Variants in CCDC61 observed in about 807,000 individuals in gnomAD.
The protein encoded by CCDC61 is centrosomal protein CCDC61.
CCDC61 carries 55 observed loss-of-function variants against 63.0 expected under a neutral mutation model. That is an observed-to-expected ratio of 0.87 (90% CI 0.70 to 1.09). The LOEUF (loss-of-function observed/expected upper bound fraction) is 1.09. CCDC61 is among the 50% of genes least tolerant of loss of function. The pLI is 0.00. For missense variants in CCDC61, 651 were observed against 731.4 expected (o/e 0.89, Z 1.27); for synonymous variants, 270 against 317.0 (o/e 0.85, Z 1.58).
At chr19:46,017,131 T>C (rs919556862) in intron 11 of CCDC61, 62 bp downstream of exon 11, 1 of 1,562,630 alleles carries the variant, frequency 6.4e-7, no homozygotes. Context: ...CTAGAAACAG[T>C]CTTTTGCAGG....
intron 1 of CCDC61, among the ~76,000 whole-genome samples, chr19:45,995,716 T>C (rs1968479848): frequency 6.6e-6 from 1 of 151,946 alleles, no homozygotes; most frequent in South Asian, 2.1e-4. Flanking sequence ...GATCTGTATA[T>C]CGCAGGAGGG....
At chr19:46,006,829 C>A in intron 4 of CCDC61, 113 bp downstream of exon 4, 2 of 969,924 alleles carry the variant, frequency 2.1e-6, no homozygotes, top group Non-Finnish European at 1.5e-6. Context: ...TTAAGCCTTG[C>A]CTTGGGAATC....
At position 46,018,153 on chromosome 19, in the gene CCDC61, G is replaced by A; in HGVS notation, c.1441+3G>A. 6.2e-7 allele frequency: 1 copy of A among 1,603,554 alleles called. No homozygotes were observed. Among genetic ancestry groups the A allele is most frequent in the South Asian group, 1.1e-5 (1 of 88,822 alleles). ...CGGGGGCTGGGTCCCCATCAAAGGT[G>A]AGCCTGGGACTCCACATCCCCTCTC... On this transcript the variant is annotated splice_donor_region_variant and intron_variant, in intron 13 of 13. Transcript: ENST00000595358. The surrounding 1 kb of genome is among the most constrained non-coding windows in gnomAD (Gnocchi z 4.2).
At position 46,015,423 on chromosome 19, in the gene CCDC61, A is replaced by G; in HGVS notation, c.841A>G (p.Arg281Gly). Reference protein sequence around the residue: ...TLTSELALYKRGRRTPPVQPP... With the variant: ...TLTSELALYKGGRRTPPVQPP... Reference sequence around the variant, plus strand: ...GACCAGCGAGCTGGCATTGTACAAGAGGGGGTGAGAGCGAGGCCTGCCAGG... The same window carrying G: ...GACCAGCGAGCTGGCATTGTACAAGGGGGGGTGAGAGCGAGGCCTGCCAGG... Residue 281 changes from arginine to glycine, a missense_variant, in exon 7 of 14, where the codon AGG becomes GGG. Coordinates refer to ENST00000595358, the MANE Select transcript of CCDC61 (RefSeq NM_001267723.2). This position sits in a 1 kb window ranked among gnomAD's most constrained non-coding sequence, Gnocchi z 5.3. The G allele has an allele frequency of 2.6e-6, 4 of 1,566,016 alleles. No individual in the cohort carries two copies. Among genetic ancestry groups the G allele is most frequent in the Non-Finnish European group, 3.5e-6 (4 of 1,158,550 alleles).
intron 1 of CCDC61, among the ~76,000 whole-genome samples, chr19:46,001,608 G>A (rs183499069): frequency 2.2e-4 from 34 of 152,348 alleles, no homozygotes; most frequent in Middle Eastern, 3.4e-3. Flanking sequence ...AGGGGAAGGG[G>A]GTCCCCGAAT....
At chr19:46,007,600 G>C (rs1039811149) in intron 4 of CCDC61, among the ~76,000 whole-genome samples, 1 of 152,178 alleles carries the variant, frequency 6.6e-6, no homozygotes, top group Non-Finnish European at 1.5e-5. Context: ...AGCCTTTATA[G>C]GGGGAGGGTA....
rs1375482458 is a variant in CCDC61, at chr19:46,002,459, G to A, written c.-11-549G>A. On this transcript the variant is annotated intron_variant, in intron 1 of 13. Transcript: ENST00000595358. The stretch of plus-strand genomic sequence containing the variant: ...TTTTCTTTCTTTTTTTTTTTTAACT[G>A]AGTCAGGGTCTCACTCTGTCACCCA... Among the ~76,000 whole-genome samples, 3 of 131,374 alleles carry A rather than the reference G, an allele frequency of 2.3e-5. No individual in the cohort carries two copies. The South Asian group carries it at 7.0e-4, about 31-fold the overall frequency. The allele number at this position is 131,374 out of a possible 152,430, so 86.2% of individuals were successfully genotyped here. A position where few individuals can be genotyped will look rare whatever the true frequency, so the allele number is the denominator to read the frequency against.
Position 46,016,995 on chromosome 19 carries a change from C to T in CCDC61, c.1236C>T (p.Asp412=), listed in dbSNP as rs769554095. 5 of 1,611,104 alleles carry T rather than the reference C, an allele frequency of 3.1e-6. No homozygotes were observed. In the South Asian group the frequency reaches 5.5e-5, roughly 18 times the overall value. ...ACGCCCTCCGTCTCCCTCTAGTGGACAGTTTCCGCAGCCGCTGCTCGTCTG... is the reference window on the plus strand; with the variant it reads ...ACGCCCTCCGTCTCCCTCTAGTGGATAGTTTCCGCAGCCGCTGCTCGTCTG... The part of the protein sequence containing the change: ...NRSRNRSSSV[D]SFRSRCSSAS... Residue 412 remains aspartate, a synonymous_variant, in exon 11 of 14, where the codon GAC becomes GAT. Coordinates refer to ENST00000595358, the MANE Select transcript of CCDC61 (RefSeq NM_001267723.2). The surrounding 1 kb of genome is among the most constrained non-coding windows in gnomAD (Gnocchi z 7.2).
intron 1 of CCDC61, among the ~76,000 whole-genome samples, chr19:45,996,620 G>A (rs1968497675): frequency 6.6e-6 from 1 of 152,126 alleles, no homozygotes. Flanking sequence ...GGTTGGTCTT[G>A]AACTCGTGAC....
rs757643212 is a variant in CCDC61, at chr19:46,003,045, G to C, written c.27G>C (p.Val9=). The change falls in exon 2 of 14, where the codon GTG becomes GTC. Residue 9 remains valine, a synonymous_variant. Coordinates refer to ENST00000595358, the MANE Select transcript of CCDC61 (RefSeq NM_001267723.2). Reference sequence around the variant, plus strand: ...TGGACCAGCCGGCTGGCCTGCAGGTGGACTACGTCTTCCGGGGTGTGGAGC... The same window carrying C: ...TGGACCAGCCGGCTGGCCTGCAGGTCGACTACGTCTTCCGGGGTGTGGAGC... MDQPAGLQ[V]DYVFRGVEHA... 39 of 1,583,234 alleles carry C rather than the reference G, an allele frequency of 2.5e-5. 1 individual carries two copies. The South Asian group carries it at 2.9e-4, about 12-fold the overall frequency.
intron 3 of CCDC61, among the ~76,000 whole-genome samples, chr19:46,004,866 CAA>C (rs1277682917): frequency 3.4e-5 from 3 of 87,744 alleles, no homozygotes; most frequent in Non-Finnish European, 6.2e-5. Flanking sequence ...TTTTTTGAGA[CAA>C]GAGTTTTGCT....
intron 5 of CCDC61, among the ~76,000 whole-genome samples, chr19:46,011,563 T>A (rs1369624254): frequency 6.6e-6 from 1 of 152,234 alleles, no homozygotes; most frequent in Non-Finnish European, 1.5e-5. Flanking sequence ...CTGTCCCCTG[T>A]ACTTGCAGTG....
intron 3 of CCDC61, among the ~76,000 whole-genome samples, chr19:46,006,120 A>G (rs1374601868): frequency 6.6e-5 from 10 of 152,186 alleles, no homozygotes; most frequent in Admixed American, 6.5e-4. Context: ...AATAACCTCC[A>G]GTACCATTCG....
chr19:46,011,846 AG>A (rs1298400341), intron 5 of CCDC61, among the ~76,000 whole-genome samples: 4 of 152,158 alleles, frequency 2.6e-5, no homozygotes, highest in African/African-American at 9.7e-5. Context: ...ACTGTCACCC[AG>A]GCTGGAGTGC....
At chr19:45,999,043 C>T (rs35989513) in intron 1 of CCDC61, among the ~76,000 whole-genome samples, 19,656 of 152,188 alleles carry the variant, frequency 0.13, 1,581 homozygotes, top group Middle Eastern at 0.25. Flanking sequence ...CTAGACAAGC[C>T]TCAGTTTCAT....
chr19:46,012,235 G>A (rs1223156576), intron 5 of CCDC61, among the ~76,000 whole-genome samples: 1 of 152,118 alleles, frequency 6.6e-6, no homozygotes, highest in Non-Finnish European at 1.5e-5. Flanking sequence ...GAGTCCCACT[G>A]CTTCCACTAC....
At position 46,009,544 on chromosome 19, in the gene CCDC61, A is replaced by G. The variant is rs185964662; in HGVS notation, c.551+1243A>G. Among the ~76,000 whole-genome samples, 390 of 152,312 alleles carry G rather than the reference A, an allele frequency of 2.6e-3. 1 individual carries two copies. Among genetic ancestry groups the G allele is most frequent in the African/African-American group, 8.5e-3 (355 of 41,580 alleles). ...TTAGGGAACTTGGCGCAGGTCACACAGTGGGTAATATGGCTAGGCTGGACC... is the reference window on the plus strand; with the variant it reads ...TTAGGGAACTTGGCGCAGGTCACACGGTGGGTAATATGGCTAGGCTGGACC... On this transcript the variant is annotated intron_variant, in intron 5 of 13. Coordinates refer to ENST00000595358, the MANE Select transcript of CCDC61 (RefSeq NM_001267723.2).
chr19:46,006,800 C>G, intron 4 of CCDC61, 84 bp downstream of exon 4: 1 of 1,272,216 alleles, frequency 7.9e-7, no homozygotes, highest in South Asian at 1.5e-5. Flanking sequence ...CCCCTGGCAC[C>G]CAGGCAAGGT....
intron 3 of CCDC61, 118 bp from the exon 4 acceptor site, chr19:46,006,441 C>A: frequency 1.0e-6 from 1 of 970,166 alleles, no homozygotes; most frequent in Non-Finnish European, 1.5e-6. Flanking sequence ...CCAGCCTTCG[C>A]GTAGGAAAGC....
Sources: allele counts gnomAD v4.1 joint callset (sites outside exome capture counted in the v4.1 genomes callset), GRCh38; gene constraint gnomAD v4.1.1; non-coding constraint Gnocchi (gnomAD v3.1); transcripts MANE v1.5; gene names NCBI Gene and HGNC (gene_info 2026-07-23, HGNC 2026-07-21).